BLK: variants seen among roughly 807,000 people sequenced by gnomAD.
The protein encoded by BLK is BLK proto-oncogene, Src family tyrosine kinase, also known as tyrosine-protein kinase Blk.
BLK carries 64 observed loss-of-function variants against 61.8 expected under a neutral mutation model. That is an observed-to-expected ratio of 1.03 (90% CI 0.85 to 1.27). BLK has a LOEUF of 1.27. Among genes scored for constraint, BLK ranks in the 50% most tolerant of loss-of-function variants. The pLI, the probability that BLK is intolerant of heterozygous loss-of-function variation, is 0.00. For missense variants in BLK, 853 were observed against 660.5 expected (o/e 1.29, Z -3.19); for synonymous variants, 351 against 272.0 (o/e 1.29, Z -2.86).
At position 11,555,731 on chromosome 8, in the gene BLK, C is replaced by T. The variant is rs139300133; in HGVS notation, c.772+247C>T. 819 of 607,110 alleles carry T rather than the reference C, an allele frequency of 1.3e-3. 5 individuals are homozygous for T. Among genetic ancestry groups the T allele is most frequent in the Middle Eastern group, 5.5e-3 (12 of 2,174 alleles). The allele number at this position is 607,110 out of a possible 1,614,324, so 37.6% of individuals were successfully genotyped here. A position where few individuals can be genotyped will look rare whatever the true frequency, so the allele number is the denominator to read the frequency against. ...AATCCAGCTCACCCAGCCCCGAAGT[C>T]GCTCCCTCCTTCGTTCTCTGCCTGA... On this transcript the variant is annotated intron_variant, in intron 8 of 12. Transcript: ENST00000259089.
rs569271807 is a variant in BLK, at chr8:11,531,199, T to A, written c.-1-12025T>A. Among the ~76,000 whole-genome samples, 97 of 152,358 alleles carry A rather than the reference T, an allele frequency of 6.4e-4. 3 individuals are homozygous for A. In the South Asian group the frequency reaches 0.019, roughly 30 times the overall value. ...GGCTTCTTTTATAGAGTTTAAAAGT[T>A]AATTATATATTCTCATATAGATACA... On this transcript the variant is annotated intron_variant, in intron 1 of 12. Transcript: ENST00000259089.
intron 1 of BLK, among the ~76,000 whole-genome samples, chr8:11,541,230 G>A (rs1800364040): frequency 1.3e-5 from 2 of 152,144 alleles, no homozygotes; most frequent in Admixed American, 6.5e-5. Flanking sequence ...ATTAGGTCGT[G>A]GGACTCCAGC....
At chr8:11,519,199 G>C (rs1799343715) in intron 1 of BLK, among the ~76,000 whole-genome samples, 2 of 152,246 alleles carry the variant, frequency 1.3e-5, no homozygotes, top group South Asian at 4.1e-4. Context: ...GGGGATAATG[G>C]ATTCCTCAAA....
chr8:11,512,748 C>G (rs985031881), intron 1 of BLK, among the ~76,000 whole-genome samples: 1 of 152,160 alleles, frequency 6.6e-6, no homozygotes, highest in Non-Finnish European at 1.5e-5. Flanking sequence ...ACCGCAACCT[C>G]CCCCTCCTGG....
At chr8:11,563,862 C>A (rs770119384) in intron 12 of BLK, 41 bp from the exon 13 acceptor site, 1 of 1,573,426 alleles carries the variant, frequency 6.4e-7, no homozygotes, top group South Asian at 1.1e-5. Context: ...CCACCGAGGA[C>A]CCCAGCCCCT....
chr8:11,510,095 T>A (rs1798938254), intron 1 of BLK, among the ~76,000 whole-genome samples: 1 of 152,164 alleles, frequency 6.6e-6, no homozygotes, highest in South Asian at 2.1e-4. Context: ...AGGTGATGAT[T>A]GAAAAAATAA....
rs371709219 is a variant in BLK at position 11,548,019 on chromosome 8, T to C, written c.176-13T>C. ...GGCCTGAGTGGTGGTCATCTCTCCC[T>C]TGTTCATTTTAGACAAGCATTTCGT... On this transcript the variant is annotated splice_polypyrimidine_tract_variant and intron_variant, in intron 3 of 12. Transcript: ENST00000259089. The C allele has an allele frequency of 6.2e-7, 1 of 1,612,568 alleles. No individual in the cohort carries two copies. The highest frequency in any genetic ancestry group is 1.3e-5 in the African/African-American group (1 of 74,886).
At chr8:11,543,185 G>A (rs200931988) in intron 1 of BLK, 39 bp from the exon 2 acceptor site, 213 of 1,612,338 alleles carry the variant, frequency 1.3e-4, no homozygotes, top group South Asian at 1.6e-4. Flanking sequence ...CTGAGGCCCC[G>A]CTCTCTCATG....
chr8:11,523,913 A>G (rs1315515021), intron 1 of BLK, among the ~76,000 whole-genome samples: 1 of 152,064 alleles, frequency 6.6e-6, no homozygotes, highest in Non-Finnish European at 1.5e-5. Flanking sequence ...CACGGTGAGA[A>G]TGTAAACCAG....
intron 10 of BLK, 167 bp from the exon 11 acceptor site, chr8:11,561,135 G>A (rs1485963018): frequency 2.0e-6 from 2 of 995,298 alleles, no homozygotes; most frequent in Non-Finnish European, 3.1e-6. Flanking sequence ...TGGGCTTCTA[G>A]GAGAGGAGTT....
chr8:11,508,789 G>C (rs879867994), intron 1 of BLK, among the ~76,000 whole-genome samples: 1 of 152,232 alleles, frequency 6.6e-6, no homozygotes, highest in Non-Finnish European at 1.5e-5. Context: ...CAACTGTGAT[G>C]GGGGCCGGTC....
At chr8:11,528,071 C>T (rs1206082007) in intron 1 of BLK, among the ~76,000 whole-genome samples, 1 of 152,150 alleles carries the variant, frequency 6.6e-6, no homozygotes, top group Non-Finnish European at 1.5e-5. Flanking sequence ...GAGTCTCACT[C>T]TGTCACCGAG....
intron 10 of BLK, chr8:11,558,511 G>A: frequency 1.1e-5 from 4 of 378,924 alleles, no homozygotes; most frequent in South Asian, 7.9e-5. Flanking sequence ...AGGCTGATGG[G>A]CAGGCCTGAG....
At chr8:11,556,050 A>C in intron 8 of BLK, 1 of 237,700 alleles carries the variant, frequency 4.2e-6, no homozygotes, top group Non-Finnish European at 8.3e-6. Context: ...GGGCTGGTCC[A>C]TGAGTGCTCC....
chr8:11,501,792 C>A (rs952826522), intron 1 of BLK, among the ~76,000 whole-genome samples: 1 of 152,176 alleles, frequency 6.6e-6, no homozygotes, highest in East Asian at 1.9e-4. Flanking sequence ...TGTTAAGGAG[C>A]AGATCAAAGT....
At chr8:11,512,136 G>A (rs1799034963) in intron 1 of BLK, among the ~76,000 whole-genome samples, 1 of 152,196 alleles carries the variant, frequency 6.6e-6, no homozygotes, top group Non-Finnish European at 1.5e-5. Flanking sequence ...GGTTTAGAAG[G>A]CAGACACGCA....
intron 1 of BLK, among the ~76,000 whole-genome samples, chr8:11,531,999 C>A (rs138145327): frequency 6.6e-6 from 1 of 152,058 alleles, no homozygotes; most frequent in African/African-American, 2.4e-5. Context: ...GCTGTGATTA[C>A]AGGCACCTGC....
intron 1 of BLK, among the ~76,000 whole-genome samples, chr8:11,540,220 AGGGG>A (rs1800315949): frequency 6.6e-6 from 1 of 152,090 alleles, no homozygotes. Flanking sequence ...CATGTGAGGT[AGGGG>A]TTCAATTGTA....
rs574846456 is a variant in BLK, at chr8:11,564,114, C to T, written c.*6C>T. The T allele has an allele frequency of 6.3e-5, 98 of 1,552,616 alleles. 1 individual carries two copies. In the South Asian group the frequency reaches 1.1e-3, roughly 17 times the overall value. ...AGTACGAGCTGCAGCCCTAGCCGGC[C>T]GCGCCCGCCTGCGCCCCGTGCCCAC... On this transcript the variant is annotated 3_prime_UTR_variant, in exon 13 of 13. Transcript: ENST00000259089.
Sources: allele counts gnomAD v4.1 joint callset (sites outside exome capture counted in the v4.1 genomes callset), GRCh38; gene constraint gnomAD v4.1.1; transcripts MANE v1.5; gene names NCBI Gene and HGNC (gene_info 2026-07-23, HGNC 2026-07-21).